Variants in ATP12A observed in about 807,000 individuals in gnomAD.
ATP12A encodes potassium-transporting ATPase alpha chain 2.
A neutral mutation model predicts 111.2 loss-of-function variants in ATP12A; 81 were observed. The observed-to-expected ratio is 0.73, with a 90% CI of 0.61 to 0.88. The LOEUF (loss-of-function observed/expected upper bound fraction) is 0.88. Among genes scored for constraint, ATP12A ranks in the 40% least tolerant of loss-of-function variants. The probability of loss-of-function intolerance (pLI) is 0.00; values close to 1 mark genes in which losing one functional copy is unlikely to be tolerated. For synonymous variants in ATP12A, 498 were observed against 499.8 expected (o/e 1.00, Z 0.05); for missense variants, 1,196 against 1,313.1 (o/e 0.91, Z 1.38).
chr13:24,692,406 A>G, intron 8 of ATP12A, 23 bp from the exon 9 acceptor site: 1 of 1,609,592 alleles, frequency 6.2e-7, no homozygotes. Context: ...TTTTTCCCAA[A>G]GCGTCCTTCC....
rs910316176 is a variant in ATP12A at position 24,711,800 on chromosome 13, G to C, written c.*278G>C. ...GGTATAGGGAAGAATGTGTTTATGT[G>C]TATTTGAAACTCCTTGATGTTAATA... On this transcript the variant is annotated 3_prime_UTR_variant, in exon 23 of 23. Transcript: ENST00000381946. 1 of 509,416 alleles carries C rather than the reference G, an allele frequency of 2.0e-6. No homozygotes were observed. Among genetic ancestry groups the C allele is most frequent in the Non-Finnish European group, 3.5e-6 (1 of 283,154 alleles). 31.6% of individuals were successfully genotyped at this position (509,416 alleles called of 1,614,324 possible).
At chr13:24,699,598 A>G (rs924441773) in intron 12 of ATP12A, among the ~76,000 whole-genome samples, 1 of 152,228 alleles carries the variant, frequency 6.6e-6, no homozygotes, top group Non-Finnish European at 1.5e-5. Flanking sequence ...ATGTTTAAAA[A>G]TGATTAAGCT....
In ATP12A at chr13:24,692,363, T is replaced by A. The variant is rs565720035; in HGVS notation, c.1069-66T>A. 1.0e-4 allele frequency: 153 copies of A among 1,507,804 alleles called. 1 individual carries two copies. The East Asian group carries it at 1.1e-3, about 11-fold the overall frequency. 93.4% of individuals were successfully genotyped at this position (1,507,804 alleles called of 1,614,324 possible). On this transcript the variant is annotated intron_variant, in intron 8 of 22. Transcript: ENST00000381946. ...TTCAATCACAGCTCACATTGGCTAT[T>A]TCTGTATTATTGGACCTGAGTTCAA...
At chr13:24,695,600 C>CTTTTTTT (rs34227271) in intron 11 of ATP12A, among the ~76,000 whole-genome samples, 4 of 88,416 alleles carry the variant, frequency 4.5e-5, no homozygotes, top group African/African-American at 9.6e-5. Flanking sequence ...GGGAAGAACT[C>CTTTTTTT]TTTTTTTTTT....
rs753934399 is a variant in ATP12A, at chr13:24,711,399, C to G, written c.3081C>G (p.Leu1027=). ...YDEVRKLFIR[L]YPGSWWDKNM... is the part of the protein sequence containing the mutation. ...AGGTGCGGAAGCTCTTCATCAGGCTCTACCCTGGAAGTGAGTAGCCTATGA... is the reference window on the plus strand; with the variant it reads ...AGGTGCGGAAGCTCTTCATCAGGCTGTACCCTGGAAGTGAGTAGCCTATGA... Residue 1027 remains leucine, a synonymous_variant, in exon 22 of 23, where the codon CTC becomes CTG. Coordinates refer to ENST00000381946, the MANE Select transcript of ATP12A (RefSeq NM_001676.7). The G allele has an allele frequency of 1.7e-5, 28 of 1,613,430 alleles. No individual in the cohort carries two copies. The East Asian group carries it at 3.3e-4, about 19-fold the overall frequency.
Position 24,685,485 on chromosome 13 carries a change from G to T in ATP12A, c.228+112G>T. 1.9e-6 allele frequency: 2 copies of T among 1,058,674 alleles called. No homozygotes were observed. The highest frequency in any genetic ancestry group is 1.3e-5 in the South Asian group (1 of 77,570). 65.6% of individuals were successfully genotyped at this position (1,058,674 alleles called of 1,614,324 possible). A position where few individuals can be genotyped will look rare whatever the true frequency, so the allele number is the denominator to read the frequency against. ...AGTAGCGGCACCTTTAGGAGGAGGG[G>T]CCCCTGCAGCGCCTTTGAGACTGCA... On this transcript the variant is annotated intron_variant, in intron 3 of 22. Coordinates refer to ENST00000381946, the MANE Select transcript of ATP12A (RefSeq NM_001676.7). The surrounding 1 kb of genome is among the most constrained non-coding windows in gnomAD (Gnocchi z 5.5).
intron 14 of ATP12A, 37 bp downstream of exon 14, chr13:24,702,108 A>T: frequency 6.2e-7 from 1 of 1,613,370 alleles, no homozygotes; most frequent in South Asian, 1.1e-5. Flanking sequence ...ATTCCAGTTT[A>T]TACCCATGGG....
At position 24,686,440 on chromosome 13, in the gene ATP12A, C is replaced by CA. The variant is rs60902451; in HGVS notation, c.228+1084dup. Among the ~76,000 whole-genome samples the CA allele has an allele frequency of 3.1e-3, 287 of 93,782 alleles. 2 individuals are homozygous for CA. Among genetic ancestry groups the CA allele is most frequent in the Middle Eastern group, 0.01 (1 of 96 alleles). The allele number at this position is 93,782 out of a possible 152,430, so 61.5% of individuals were successfully genotyped here. On this transcript the variant is annotated intron_variant, in intron 3 of 22. Transcript: ENST00000381946. The stretch of plus-strand genomic sequence containing the variant: ...GGGCAACAAGAGCAAAACTCCATCT[C>CA]AAAAAAAAAAAAAAAAAGGGCCGGG...
In ATP12A at chr13:24,707,121, A is replaced by C. The variant is rs749766129; in HGVS notation, c.2268A>C (p.Ala756=). ...GIAMGIAGSD[A]AKNAADMVLL... ...CCATGGGGATAGCAGGTTCTGATGCAGCCAAAAATGCAGCCGACATGGTCT... is the reference window on the plus strand; with the variant it reads ...CCATGGGGATAGCAGGTTCTGATGCCGCCAAAAATGCAGCCGACATGGTCT... Residue 756 remains alanine, a synonymous_variant, in exon 16 of 23, where the codon GCA becomes GCC. Transcript: ENST00000381946. The C allele has an allele frequency of 6.2e-7, 1 of 1,614,190 alleles. No individual in the cohort carries two copies. Among genetic ancestry groups the C allele is most frequent in the Admixed American group, 1.7e-5 (1 of 60,028 alleles).
At chr13:24,689,088 A>C (rs955460080) in intron 4 of ATP12A, among the ~76,000 whole-genome samples, 174 bp from the exon 5 acceptor site, 22 of 140,984 alleles carry the variant, frequency 1.6e-4, no homozygotes, top group African/African-American at 4.8e-4. Flanking sequence ...GGCTCTGTAA[A>C]CTTAAAAAAA....
Position 24,707,403 on chromosome 13 carries a change from C to T in ATP12A, c.2463C>T (p.Thr821=), listed in dbSNP as rs776371218. The part of the protein sequence containing the change: ...VGLPLPIGTI[T]ILFIDLGTDI... ...TCCCCCTGCCCATTGGCACCATCAC[C>T]ATTCTGTTCATTGACTTGGGGACAG... Residue 821 remains threonine (T), a synonymous_variant, in exon 17 of 23, where the codon ACC becomes ACT. Coordinates refer to ENST00000381946, the MANE Select transcript of ATP12A (RefSeq NM_001676.7). The T allele has an allele frequency of 1.9e-6, 3 of 1,614,254 alleles. No homozygotes were observed. The South Asian group carries it at 3.3e-5, about 18-fold the overall frequency.
Position 24,707,271 on chromosome 13 carries a change from C to T in ATP12A, c.2339-8C>T, listed in dbSNP as rs527835884. Reference sequence around the variant, plus strand: ...AGTAAGTTCTGAAGGAGAAACCTCTCTGCCTAGGTCGCCTGATCTTTGACA... The same window carrying T: ...AGTAAGTTCTGAAGGAGAAACCTCTTTGCCTAGGTCGCCTGATCTTTGACA... On this transcript the variant is annotated splice_polypyrimidine_tract_variant and splice_region_variant and intron_variant, in intron 16 of 22. Coordinates refer to ENST00000381946, the MANE Select transcript of ATP12A (RefSeq NM_001676.7). 1.2e-6 allele frequency: 2 copies of T among 1,614,176 alleles called. No homozygotes were observed. Among genetic ancestry groups the T allele is most frequent in the East Asian group, 4.5e-5 (2 of 44,880 alleles).
At chr13:24,710,733 G>T (rs1319295064) in intron 20 of ATP12A, 59 bp from the exon 21 acceptor site, 10 of 1,600,894 alleles carry the variant, frequency 6.2e-6, no homozygotes, top group Non-Finnish European at 7.7e-6. Context: ...TGGTCTGCTG[G>T]GTGTATGATC....
intron 10 of ATP12A, 96 bp downstream of exon 10, chr13:24,692,992 T>C: frequency 8.2e-7 from 1 of 1,214,198 alleles, no homozygotes; most frequent in Non-Finnish European, 1.2e-6. Context: ...TCCAGTTGCT[T>C]AAAGTTTGTT....
intron 2 of ATP12A, among the ~76,000 whole-genome samples, chr13:24,682,174 G>A (rs111164970): frequency 0.053 from 7,305 of 137,086 alleles, 258 homozygotes; most frequent in East Asian, 0.16. Flanking sequence ...GTGTATGTGT[G>A]TGGTGTGTGT....
chr13:24,707,299 C>G lies in ATP12A; in HGVS notation c.2359C>G (p.Leu787Val). The stretch of plus-strand genomic sequence containing the variant: ...CCTAGGTCGCCTGATCTTTGACAAC[C>G]TCAAGAAGACTATTGCTTATTCCCT... ...VEEGRLIFDN[L>V]KKTIAYSLTK... The change falls in exon 17 of 23, where the codon CTC becomes GTC. Residue 787 changes from leucine (L) to valine (V), a missense_variant. By Grantham distance (32) the Leu-to-Val change is conservative (BLOSUM62 1). Around this residue, in one of 3 missense-constraint regions of ATP12A, gnomAD observed 1,126 missense variants for 1,228.5 expected, o/e 0.92. Transcript: ENST00000381946. The G allele has an allele frequency of 6.2e-7, 1 of 1,614,188 alleles. No homozygotes were observed. The highest frequency in any genetic ancestry group is 8.5e-7 in the Non-Finnish European group (1 of 1,180,036).
intron 17 of ATP12A, 93 bp from the exon 18 acceptor site, chr13:24,709,271 C>CCCCCCCCCG: frequency 2.4e-6 from 1 of 416,320 alleles, no homozygotes; most frequent in South Asian, 3.5e-5. Flanking sequence ...CCACCCCATC[C>CCCCCCCCCG]AGCCAGTGCC....
intron 2 of ATP12A, among the ~76,000 whole-genome samples, chr13:24,682,262 GT>G (rs769297469): frequency 1.9e-4 from 27 of 141,828 alleles, no homozygotes; most frequent in Non-Finnish European, 3.5e-4. Flanking sequence ...GTAGCGTGTG[GT>G]GTGTGTGTAG....
chr13:24,706,990 ACTCCCACTTTCTCC>A lies in ATP12A; in HGVS notation c.2170-30_2170-17del, dbSNP rs773387062. 7 of 1,561,360 alleles carry A rather than the reference ACTCCCACTTTCTCC, an allele frequency of 4.5e-6. No homozygotes were observed. Among genetic ancestry groups the A allele is most frequent in the Non-Finnish European group, 5.2e-6 (6 of 1,152,920 alleles). On this transcript the variant is annotated intron_variant, in intron 15 of 22. Transcript: ENST00000381946. ...GGCCTGCAACCCACTGGGCCTGCTCACTCCCACTTTCTCCCTGGGTCCCCCGCCATAGGATGCTG... is the reference window on the plus strand; with the variant it reads ...GGCCTGCAACCCACTGGGCCTGCTCACTGGGTCCCCCGCCATAGGATGCTG...
Sources: gnomAD v4.1 joint callset for allele counts (sites outside exome capture counted in the v4.1 genomes callset) on GRCh38, gnomAD v4.1.1 for gene constraint, gnomAD v4.1.1 regional missense constraint, Gnocchi (gnomAD v3.1) non-coding constraint, MANE v1.5 for transcripts, NCBI Gene and HGNC (gene_info 2026-07-23, HGNC 2026-07-21) for gene names.